The following DOCK2 variants were observed in gnomAD, a reference collection of about 807,000 sequenced individuals.
The protein encoded by DOCK2 is dedicator of cytokinesis 2.
Under a neutral mutation model 248.9 loss-of-function variants are expected in DOCK2, and 87 were observed. The observed-to-expected ratio is 0.35, with a 90% CI of 0.29 to 0.42. The LOEUF (loss-of-function observed/expected upper bound fraction) is 0.42, where lower values mean the gene tolerates loss of function less well. DOCK2 is among the 10% of genes least tolerant of loss of function. The probability of loss-of-function intolerance (pLI) is 1.00; values close to 1 mark genes in which losing one functional copy is unlikely to be tolerated. For synonymous variants in DOCK2, 805 were observed against 821.6 expected (o/e 0.98, Z 0.35); for missense variants, 1,747 against 2,300.2 (o/e 0.76, Z 4.92).
Position 169,718,837 on chromosome 5 carries a change from T to G in DOCK2, c.2267+46T>G, listed in dbSNP as rs1268948323. The G allele has an allele frequency of 1.3e-6, 2 of 1,584,150 alleles. 1 individual carries two copies. Among genetic ancestry groups the G allele is most frequent in the South Asian group, 2.3e-5 (2 of 88,300 alleles). Reference sequence around the variant, plus strand: ...AGTGATTGATTAGCTCTGCAATTCCTCTGGGATACAACAGTATTTTTACTG... The same window carrying G: ...AGTGATTGATTAGCTCTGCAATTCCGCTGGGATACAACAGTATTTTTACTG... On this transcript the variant is annotated intron_variant, in intron 22 of 51. Coordinates refer to ENST00000520908, the MANE Select transcript of DOCK2 (RefSeq NM_004946.3).
intron 34 of DOCK2, among the ~76,000 whole-genome samples, chr5:170,029,847 C>T (rs188085167): frequency 3.3e-5 from 5 of 152,294 alleles, no homozygotes; most frequent in Admixed American, 1.3e-4. Context: ...ATGAGCCTCT[C>T]GACCCTGCCC....
chr5:169,912,633 G>GTGTA (rs1774663902), intron 27 of DOCK2, among the ~76,000 whole-genome samples: 1 of 151,976 alleles, frequency 6.6e-6, no homozygotes, highest in Admixed American at 6.6e-5. Context: ...GTGTGTGTGT[G>GTGTA]TGTGTGTGAG....
intron 27 of DOCK2, among the ~76,000 whole-genome samples, chr5:169,920,903 A>G (rs1256736108): frequency 6.6e-6 from 1 of 152,154 alleles, no homozygotes; most frequent in African/African-American, 2.4e-5. Context: ...GTTTTCCTAG[A>G]GATCAGCAGC....
Position 170,075,995 on chromosome 5 carries a change from G to T in DOCK2, c.4777G>T (p.Asp1593Tyr), listed in dbSNP as rs769142481. The change falls in exon 47 of 52, where the codon GAT becomes TAT. Residue 1593 changes from aspartate to tyrosine, a missense_variant. Coordinates refer to ENST00000520908, the MANE Select transcript of DOCK2 (RefSeq NM_004946.3). ...GIKIHEKRVS[D>Y]NLRPFHDRME... ...TAAGATCCATGAGAAAAGGGTGTCAGATAACTTGCGACCCTTCCATGACCG... is the reference window on the plus strand; with the variant it reads ...TAAGATCCATGAGAAAAGGGTGTCATATAACTTGCGACCCTTCCATGACCG... 1.9e-6 allele frequency: 3 copies of T among 1,614,080 alleles called. No individual in the cohort carries two copies. Among genetic ancestry groups the T allele is most frequent in the Non-Finnish European group, 2.5e-6 (3 of 1,179,962 alleles).
chr5:169,699,294 G>T (rs546651946), intron 11 of DOCK2, 88 bp from the exon 12 acceptor site: 1 of 1,305,284 alleles, frequency 7.7e-7, no homozygotes, highest in Non-Finnish European at 1.1e-6. Flanking sequence ...CACCTGAGGC[G>T]TGTGGAGGGG....
chr5:169,885,422 G>A (rs1772916994), intron 27 of DOCK2, among the ~76,000 whole-genome samples: 1 of 152,196 alleles, frequency 6.6e-6, no homozygotes, highest in Non-Finnish European at 1.5e-5. Context: ...ATGAAGAGGA[G>A]TGAAGGTCCT....
At chr5:169,801,947 A>G (rs1767020120) in intron 25 of DOCK2, among the ~76,000 whole-genome samples, 1 of 152,088 alleles carries the variant, frequency 6.6e-6, no homozygotes, top group South Asian at 2.1e-4. Flanking sequence ...TGTTAGATTT[A>G]AAATGATATC....
chr5:169,929,827 C>A (rs2546507), intron 27 of DOCK2, among the ~76,000 whole-genome samples: 96,834 of 151,208 alleles, frequency 0.64, 32,563 homozygotes, highest in African/African-American at 0.87. Context: ...TTCCTATAGA[C>A]CCTTATATGA....
chr5:169,638,993 T>C (rs1458120460), intron 1 of DOCK2, among the ~76,000 whole-genome samples: 1 of 152,184 alleles, frequency 6.6e-6, no homozygotes, highest in East Asian at 1.9e-4. Context: ...TAGTCTGTTT[T>C]GGTTTTAGTA....
intron 27 of DOCK2, among the ~76,000 whole-genome samples, chr5:169,935,100 C>T (rs1276392841): frequency 6.6e-6 from 1 of 152,198 alleles, no homozygotes; most frequent in East Asian, 1.9e-4. Context: ...GCAGTGAAGA[C>T]AGCGTGGCAA....
chr5:169,665,416 GTATATTTATA>G (rs1758664588), intron 2 of DOCK2, among the ~76,000 whole-genome samples: 2 of 149,948 alleles, frequency 1.3e-5, no homozygotes, highest in Admixed American at 6.6e-5. Flanking sequence ...ATATGTGTGT[GTATATTTATA>G]TGTATATACA....
At chr5:169,798,940 T>C (rs1027677459) in intron 25 of DOCK2, among the ~76,000 whole-genome samples, 2 of 152,244 alleles carry the variant, frequency 1.3e-5, no homozygotes, top group African/African-American at 2.4e-5. Flanking sequence ...CCTTAAAACA[T>C]TGTCATCTTG....
intron 9 of DOCK2, among the ~76,000 whole-genome samples, chr5:169,693,987 G>A (rs1215767694): frequency 6.6e-6 from 1 of 152,148 alleles, no homozygotes; most frequent in Non-Finnish European, 1.5e-5. Flanking sequence ...TACCTTCATA[G>A]CAATATCCAG....
intron 2 of DOCK2, among the ~76,000 whole-genome samples, chr5:169,657,107 C>T (rs192746032): frequency 6.6e-6 from 1 of 152,264 alleles, no homozygotes; most frequent in Non-Finnish European, 1.5e-5. Flanking sequence ...AATATCATAT[C>T]TCCTGGTACG....
intron 27 of DOCK2, among the ~76,000 whole-genome samples, chr5:169,938,497 T>C (rs1226535650): frequency 1.3e-5 from 2 of 152,198 alleles, no homozygotes; most frequent in Admixed American, 1.3e-4. Context: ...AACACATTGG[T>C]AAATGTAATG....
At chr5:170,025,886 T>C in intron 33 of DOCK2, among the ~76,000 whole-genome samples, 1 of 149,970 alleles carries the variant, frequency 6.7e-6, no homozygotes, top group African/African-American at 2.5e-5. Flanking sequence ...CATCCATTCT[T>C]CTCTGCTCAA....
At chr5:170,037,701 G>C (rs1756370052) in intron 36 of DOCK2, among the ~76,000 whole-genome samples, 1 of 152,066 alleles carries the variant, frequency 6.6e-6, no homozygotes, top group Non-Finnish European at 1.5e-5. Flanking sequence ...GGCCAGGCTG[G>C]TCTCGAACTC....
At chr5:169,772,081 T>A (rs528026740) in intron 25 of DOCK2, among the ~76,000 whole-genome samples, 1 of 152,238 alleles carries the variant, frequency 6.6e-6, no homozygotes, top group Non-Finnish European at 1.5e-5. Flanking sequence ...TGAGTTGCTA[T>A]AGCCTAGATT....
At chr5:169,835,753 G>T (rs967181087) in intron 26 of DOCK2, among the ~76,000 whole-genome samples, 4 of 151,888 alleles carry the variant, frequency 2.6e-5, no homozygotes, top group South Asian at 2.1e-4. Flanking sequence ...TTGTTTGGGG[G>T]TTTGGATTTT....
Sources: gnomAD v4.1 joint callset for allele counts (sites outside exome capture counted in the v4.1 genomes callset) on GRCh38, gnomAD v4.1.1 for gene constraint, MANE v1.5 for transcripts, NCBI Gene and HGNC (gene_info 2026-07-23, HGNC 2026-07-21) for gene names.